PLB1: variants seen among roughly 807,000 people sequenced by gnomAD.
The protein encoded by PLB1 is phospholipase B1.
Under a neutral mutation model 227.4 loss-of-function variants are expected in PLB1, and 242 were observed. That is an observed-to-expected ratio of 1.06 (90% CI 0.96 to 1.18). The LOEUF is 1.18. Among genes scored for constraint, PLB1 ranks in the 50% most tolerant of loss-of-function variants. The probability of loss-of-function intolerance (pLI) is 0.00; values close to 1 mark genes in which losing one functional copy is unlikely to be tolerated. For synonymous variants in PLB1, 757 were observed against 682.2 expected, an observed-to-expected ratio of 1.11 and a Z score of -1.71; for missense variants, 1,858 against 1,816.3, an observed-to-expected ratio of 1.02 and a Z score of -0.42.
At position 28,582,486 on chromosome 2, in the gene PLB1, T is replaced by C. The variant is rs1680195551; in HGVS notation, c.1714T>C (p.Cys572Arg). Residue 572 changes from cysteine to arginine, a missense_variant, in exon 25 of 58, where the codon TGC becomes CGC. By Grantham distance (180) the Cys-to-Arg change is radical. Transcript: ENST00000327757. ...GCTGTACCAGGAGAAAAAAGTCTACTGCCCAAGGATGATCCTCAGGTCAGA... is the reference window on the plus strand; with the variant it reads ...GCTGTACCAGGAGAAAAAAGTCTACCGCCCAAGGATGATCCTCAGGTCAGA... ...RELYQEKKVYCPRMILRSLCP... is the reference protein window; with the variant it reads ...RELYQEKKVYRPRMILRSLCP... The C allele has an allele frequency of 6.2e-7, 1 of 1,608,526 alleles. No homozygotes were observed. Among genetic ancestry groups the C allele is most frequent in the African/African-American group, 1.3e-5 (1 of 74,778 alleles).
At chr2:28,553,465 T>C (rs538299471) in intron 17 of PLB1, among the ~76,000 whole-genome samples, 1 of 152,348 alleles carries the variant, frequency 6.6e-6, no homozygotes, top group South Asian at 2.1e-4. Flanking sequence ...TCAGTATTTC[T>C]AAAATGTCTG....
intron 1 of PLB1, among the ~76,000 whole-genome samples, chr2:28,510,359 T>C (rs1270407241): frequency 1.3e-5 from 2 of 151,980 alleles, no homozygotes; most frequent in East Asian, 3.9e-4. Flanking sequence ...CACTCTCTGC[T>C]TGGACCAGTG....
intron 6 of PLB1, among the ~76,000 whole-genome samples, chr2:28,526,320 C>G (rs1029914748): frequency 6.6e-6 from 1 of 152,054 alleles, no homozygotes; most frequent in Non-Finnish European, 1.5e-5. Context: ...GTTCACTCCT[C>G]CCACCCAAGG....
intron 56 of PLB1, among the ~76,000 whole-genome samples, chr2:28,637,868 A>G (rs1049127490): frequency 2.0e-5 from 3 of 151,808 alleles, no homozygotes; most frequent in African/African-American, 7.3e-5. Flanking sequence ...GGTCCATTAC[A>G]CCCTGCCCAG....
intron 43 of PLB1, among the ~76,000 whole-genome samples, chr2:28,609,801 C>T (rs1162295313): frequency 1.3e-5 from 2 of 152,194 alleles, no homozygotes; most frequent in African/African-American, 2.4e-5. Flanking sequence ...GTCAGGGACC[C>T]TATCTAATCG....
At chr2:28,613,045 G>A (rs1685701523) in intron 43 of PLB1, among the ~76,000 whole-genome samples, 1 of 151,988 alleles carries the variant, frequency 6.6e-6, no homozygotes, top group South Asian at 2.1e-4. Context: ...TCAGCCTCTT[G>A]AGTAGCTAGG....
At chr2:28,620,375 C>A in intron 47 of PLB1, 43 bp downstream of exon 47, 1 of 1,529,418 alleles carries the variant, frequency 6.5e-7, no homozygotes, top group Non-Finnish European at 8.9e-7. Context: ...GATGCTCTCT[C>A]AGAGAGGTGT....
At chr2:28,520,310 A>G (rs1669352234) in intron 4 of PLB1, among the ~76,000 whole-genome samples, 1 of 152,098 alleles carries the variant, frequency 6.6e-6, no homozygotes, top group Non-Finnish European at 1.5e-5. Flanking sequence ...CCATTAATAA[A>G]TTAAATCCAT....
chr2:28,497,403 G>A (rs1237982845), intron 1 of PLB1, among the ~76,000 whole-genome samples: 1 of 152,204 alleles, frequency 6.6e-6, no homozygotes, highest in Admixed American at 6.5e-5. Context: ...AGGCAGGGGA[G>A]TGGGAAAGTT....
intron 3 of PLB1, among the ~76,000 whole-genome samples, chr2:28,519,408 G>A (rs1288044030): frequency 6.6e-6 from 1 of 152,234 alleles, no homozygotes; most frequent in Admixed American, 6.5e-5. Context: ...GCAGAATGGG[G>A]TCCAGGTGAG....
chr2:28,613,790 G>T (rs75160252), intron 43 of PLB1, among the ~76,000 whole-genome samples: 6,754 of 152,276 alleles, frequency 0.044, 485 homozygotes, highest in African/African-American at 0.15. Context: ...CAAAAGCACA[G>T]ACCCCAGACT....
chr2:28,520,241 T>C (rs1020094919), intron 4 of PLB1, among the ~76,000 whole-genome samples: 1 of 152,148 alleles, frequency 6.6e-6, no homozygotes, highest in African/African-American at 2.4e-5. Flanking sequence ...TCTTTTTTTT[T>C]TTTTTAAATC....
intron 49 of PLB1, 122 bp downstream of exon 49, chr2:28,621,100 G>T: frequency 1.4e-6 from 1 of 739,144 alleles, no homozygotes; most frequent in South Asian, 1.8e-5. Context: ...AGCTGTGCAG[G>T]ACTTTCTATG....
intron 9 of PLB1, among the ~76,000 whole-genome samples, chr2:28,533,736 A>C (rs1671320247): frequency 6.6e-6 from 1 of 152,256 alleles, no homozygotes; most frequent in African/African-American, 2.4e-5. Flanking sequence ...ATTTATGAAT[A>C]CTTAGACTCA....
At position 28,628,587 on chromosome 2, in the gene PLB1, GT is replaced by G. The variant is rs756721774; in HGVS notation, c.3687del (p.Gln1230SerfsTer62). ...NPEAHLATEY[V>X]QHIQQALDIL... ...GGAGGCCCACTTGGCCACGGAATAT[GT>G]TCAGCACATCCAACAGGCCCTGGAC... On this transcript the variant is annotated frameshift_variant, in exon 52 of 58. Transcript: ENST00000327757. LOFTEE classifies it high-confidence loss of function. 8.4e-5 allele frequency: 135 copies of G among 1,614,186 alleles called. No individual in the cohort carries two copies. The highest frequency in any genetic ancestry group is 4.9e-4 in the Middle Eastern group (3 of 6,062).
At chr2:28,536,135 C>A (rs1671649568) in intron 9 of PLB1, among the ~76,000 whole-genome samples, 1 of 152,202 alleles carries the variant, frequency 6.6e-6, no homozygotes, top group Admixed American at 6.5e-5. Flanking sequence ...GACCTGAATT[C>A]TCTTCCCCTG....
chr2:28,639,189 T>G (rs1459495538), intron 56 of PLB1, among the ~76,000 whole-genome samples: 2 of 151,624 alleles, frequency 1.3e-5, no homozygotes, highest in African/African-American at 4.8e-5. Flanking sequence ...TCAACTCCAG[T>G]GAGAGATGAG....
chr2:28,599,884 GAT>G, intron 35 of PLB1, among the ~76,000 whole-genome samples: 1 of 152,126 alleles, frequency 6.6e-6, no homozygotes, highest in Non-Finnish European at 1.5e-5. Context: ...AAAGTACTTG[GAT>G]TACAGGCATG....
At chr2:28,572,541 T>C (rs1211043691) in intron 20 of PLB1, among the ~76,000 whole-genome samples, 1 of 152,214 alleles carries the variant, frequency 6.6e-6, no homozygotes, top group Non-Finnish European at 1.5e-5. Context: ...AAATGTGGTA[T>C]ATCCATCCAG....
Sources: gnomAD v4.1 joint callset for allele counts (sites outside exome capture counted in the v4.1 genomes callset) on GRCh38, gnomAD v4.1.1 for gene constraint, MANE v1.5 for transcripts, NCBI Gene and HGNC (gene_info 2026-07-23, HGNC 2026-07-21) for gene names.